The following MYO5A variants were observed in gnomAD, a reference collection of about 807,000 sequenced individuals.
MYO5A encodes the protein unconventional myosin-Va.
A neutral mutation model predicts 249.7 loss-of-function variants in MYO5A; 98 were observed. That is an observed-to-expected ratio of 0.39 (90% confidence interval 0.33 to 0.46). The LOEUF is 0.46. MYO5A is among the 20% of genes least tolerant of loss of function. MYO5A has a pLI of 0.98. For missense variants in MYO5A, 1,696 were observed against 2,308.8 expected (o/e 0.73, Z 5.44); for synonymous variants, 778 against 810.6 (o/e 0.96, Z 0.68).
At chr15:52,504,329 G>T (rs962743696) in intron 1 of MYO5A, among the ~76,000 whole-genome samples, 1 of 152,104 alleles carries the variant, frequency 6.6e-6, no homozygotes, top group Non-Finnish European at 1.5e-5. Flanking sequence ...ACTTTAAAAT[G>T]CCGTAAGTAC....
chr15:52,443,001 T>C (rs2075815957), intron 1 of MYO5A, among the ~76,000 whole-genome samples: 1 of 152,224 alleles, frequency 6.6e-6, no homozygotes, highest in African/African-American at 2.4e-5. Context: ...TCCGCCTGCC[T>C]TGGCCTCCCA....
intron 1 of MYO5A, among the ~76,000 whole-genome samples, chr15:52,485,513 A>G (rs2076802387): frequency 6.6e-6 from 1 of 152,202 alleles, no homozygotes; most frequent in Non-Finnish European, 1.5e-5. Flanking sequence ...GTCTCTTTTT[A>G]GAAATCCTTA....
At chr15:52,386,572 C>T (rs914460110) in intron 14 of MYO5A, among the ~76,000 whole-genome samples, 2 of 150,214 alleles carry the variant, frequency 1.3e-5, no homozygotes, top group Admixed American at 1.3e-4. Flanking sequence ...TTTTTGGAGA[C>T]AGAGTCTCGC....
At chr15:52,397,538 A>C in intron 9 of MYO5A, 72 bp from the exon 10 acceptor site, 2 of 1,526,356 alleles carry the variant, frequency 1.3e-6, no homozygotes, top group Admixed American at 3.3e-5. Context: ...AATGTTAACA[A>C]AGAGTTAACA....
At chr15:52,520,663 G>C (rs2077598778) in intron 1 of MYO5A, among the ~76,000 whole-genome samples, 1 of 152,134 alleles carries the variant, frequency 6.6e-6, no homozygotes, top group Admixed American at 6.5e-5. Context: ...AAACAGCTGT[G>C]GCTGGTAAAC....
At chr15:52,375,535 G>C in intron 19 of MYO5A, 75 bp from the exon 20 acceptor site, 3 of 1,498,744 alleles carry the variant, frequency 2.0e-6, no homozygotes, top group Admixed American at 1.8e-5. Context: ...GAAACTTAAA[G>C]AGTGTCACTG....
At chr15:52,340,640 T>C (rs1312342867) in intron 31 of MYO5A, among the ~76,000 whole-genome samples, 1 of 152,156 alleles carries the variant, frequency 6.6e-6, no homozygotes. Flanking sequence ...AGGAGAGTTT[T>C]AGTTCTCTTG....
intron 1 of MYO5A, among the ~76,000 whole-genome samples, chr15:52,504,054 C>CCTT (rs1555386581): frequency 8.1e-6 from 1 of 122,996 alleles, no homozygotes; most frequent in Non-Finnish European, 1.7e-5. Context: ...GTTTCTCCTT[C>CCTT]TTTTTTTTTT....
chr15:52,339,435 T>C (rs929800338), intron 32 of MYO5A, among the ~76,000 whole-genome samples: 7 of 151,524 alleles, frequency 4.6e-5, no homozygotes, highest in African/African-American at 7.3e-5. Context: ...ATTTTTAATA[T>C]AGTAAATATA....
intron 36 of MYO5A, among the ~76,000 whole-genome samples, chr15:52,324,789 C>T (rs545127463): frequency 3.3e-5 from 5 of 151,814 alleles, no homozygotes; most frequent in Non-Finnish European, 5.9e-5. Flanking sequence ...GTACAAAACG[C>T]CCTTAAATTT....
chr15:52,332,921 C>T (rs1215651849), intron 34 of MYO5A, among the ~76,000 whole-genome samples: 7 of 152,154 alleles, frequency 4.6e-5, no homozygotes, highest in East Asian at 1.9e-4. Flanking sequence ...GCCGAGATCA[C>T]GCCACTGCAC....
chr15:52,491,448 A>G (rs928944621), intron 1 of MYO5A, among the ~76,000 whole-genome samples: 1 of 152,206 alleles, frequency 6.6e-6, no homozygotes, highest in Non-Finnish European at 1.5e-5. Flanking sequence ...ATTTCCACCT[A>G]CATCATAATA....
intron 4 of MYO5A, among the ~76,000 whole-genome samples, chr15:52,421,561 C>CA (rs1210950113): frequency 6.6e-6 from 1 of 152,150 alleles, no homozygotes; most frequent in African/African-American, 2.4e-5. Context: ...AAGGCTTGTC[C>CA]AAGCCTGATG....
chr15:52,356,360 C>T (rs939862878), intron 25 of MYO5A, among the ~76,000 whole-genome samples: 6 of 152,018 alleles, frequency 3.9e-5, no homozygotes, highest in South Asian at 2.1e-4. Flanking sequence ...ATAATCCTAT[C>T]GCCACAGAAA....
At chr15:52,411,685 A>T (rs949492303) in intron 5 of MYO5A, among the ~76,000 whole-genome samples, 1 of 152,242 alleles carries the variant, frequency 6.6e-6, no homozygotes, top group African/African-American at 2.4e-5. Flanking sequence ...GCAGACAGAA[A>T]GATGTGAAAA....
At chr15:52,323,481 T>C (rs2038430204) in intron 36 of MYO5A, 37 bp from the exon 37 acceptor site, 1 of 1,527,938 alleles carries the variant, frequency 6.5e-7, no homozygotes, top group African/African-American at 1.4e-5. Context: ...GCCTTTTCCT[T>C]AGGGAAATAA....
At chr15:52,314,046 T>C (rs2037872551) in intron 41 of MYO5A, 77 bp downstream of exon 41, 1 of 1,367,798 alleles carries the variant, frequency 7.3e-7, no homozygotes, top group South Asian at 1.2e-5. Context: ...AGATAACACA[T>C]TATCCTTCAA....
At chr15:52,363,202 G>A (rs187676528) in intron 24 of MYO5A, among the ~76,000 whole-genome samples, 11 of 152,284 alleles carry the variant, frequency 7.2e-5, no homozygotes, top group African/African-American at 2.6e-4. Flanking sequence ...GAATGGAACT[G>A]GGGAACATGA....
At position 52,428,554 on chromosome 15, in the gene MYO5A, G is replaced by A. The variant is rs374826199; in HGVS notation, c.154C>T (p.Leu52=). 1 of 1,614,054 alleles carries A rather than the reference G, an allele frequency of 6.2e-7. No individual in the cohort carries two copies. The highest frequency in any genetic ancestry group is 1.3e-5 in the African/African-American group (1 of 74,930). Residue 52 remains leucine, a synonymous_variant, in exon 3 of 42, where the codon CTA becomes TTA. Coordinates refer to ENST00000399233, the MANE Select transcript of MYO5A (RefSeq NM_001382347.1). ...GGCAGCTCCTTGGTCTTTGGATCTA[G>A]ATGGTATTCCAAATCCTGAAAATGC... is the stretch of plus-strand genomic sequence containing the variant. ...LEEGKDLEYH[L]DPKTKELPHL... is the part of the protein sequence containing the mutation.
Sources: gnomAD v4.1 joint callset for allele counts (sites outside exome capture counted in the v4.1 genomes callset) on GRCh38, gnomAD v4.1.1 for gene constraint, MANE v1.5 for transcripts, NCBI Gene and HGNC (gene_info 2026-07-23, HGNC 2026-07-21) for gene names.